The following TNS3 variants were observed in gnomAD, a reference collection of about 807,000 sequenced individuals.
TNS3 encodes tensin-3.
A neutral mutation model predicts 140.9 loss-of-function variants in TNS3; 45 were observed. The observed-to-expected ratio is 0.32, with a 90% CI of 0.25 to 0.41. TNS3 has a LOEUF of 0.41. Among genes scored for constraint, TNS3 ranks in the 10% least tolerant of loss-of-function variants. The probability of loss-of-function intolerance (pLI) is 1.00; values close to 1 mark genes in which losing one functional copy is unlikely to be tolerated. For missense variants in TNS3, 1,716 were observed against 1,906.7 expected (o/e 0.90, Z 1.86); for synonymous variants, 815 against 788.4 (o/e 1.03, Z -0.56).
intron 16 of TNS3, among the ~76,000 whole-genome samples, chr7:47,391,711 A>G (rs1367769939): frequency 6.6e-6 from 1 of 152,144 alleles, no homozygotes; most frequent in East Asian, 1.9e-4. Flanking sequence ...AAATCCAGGG[A>G]CACATATGCT....
At chr7:47,481,733 G>A in intron 3 of TNS3, 2 of 985,222 alleles carry the variant, frequency 2.0e-6, no homozygotes, top group South Asian at 9.4e-5. Flanking sequence ...GAGCTCCCTG[G>A]GAAAGATAAA....
At chr7:47,414,511 GCTGAC>G (rs1035105801) in intron 11 of TNS3, among the ~76,000 whole-genome samples, 1 of 152,070 alleles carries the variant, frequency 6.6e-6, no homozygotes, top group Non-Finnish European at 1.5e-5. Context: ...ATAGGGCCCT[GCTGAC>G]CCTCGGCCAT....
intron 25 of TNS3, among the ~76,000 whole-genome samples, chr7:47,293,510 A>G (rs1334182228): frequency 6.6e-6 from 1 of 152,226 alleles, no homozygotes; most frequent in Non-Finnish European, 1.5e-5. Flanking sequence ...TACGTCTGAT[A>G]TGGTGCTTTT....
chr7:47,404,614 C>T (rs7803011), intron 13 of TNS3, among the ~76,000 whole-genome samples: 1,592 of 152,188 alleles, frequency 0.01, 32 homozygotes, highest in African/African-American at 0.036. Context: ...CGGCCGGGCG[C>T]GGTGGCTCAC....
intron 3 of TNS3, among the ~76,000 whole-genome samples, chr7:47,492,610 G>A (rs1217004908): frequency 6.6e-6 from 1 of 152,210 alleles, no homozygotes; most frequent in Non-Finnish European, 1.5e-5. Flanking sequence ...AATAAGATGT[G>A]CTTTTATTTC....
At chr7:47,347,083 C>A (rs928608985) in intron 17 of TNS3, among the ~76,000 whole-genome samples, 3 of 152,252 alleles carry the variant, frequency 2.0e-5, no homozygotes, top group African/African-American at 4.8e-5. Context: ...CTGCTGCCGG[C>A]TATTAAAAGA....
intron 1 of TNS3, among the ~76,000 whole-genome samples, chr7:47,578,374 G>A (rs959203012): frequency 6.6e-6 from 1 of 152,126 alleles, no homozygotes; most frequent in Admixed American, 6.6e-5. Flanking sequence ...ACACAGTGAG[G>A]CATTCCGAGG....
At chr7:47,315,350 G>A (rs1413216774) in intron 20 of TNS3, among the ~76,000 whole-genome samples, 5 of 152,232 alleles carry the variant, frequency 3.3e-5, no homozygotes, top group Admixed American at 6.5e-5. Context: ...CTGCTGCTGC[G>A]GGGCAGCCCC....
At chr7:47,499,148 C>T (rs1158728675) in intron 3 of TNS3, among the ~76,000 whole-genome samples, 2 of 152,202 alleles carry the variant, frequency 1.3e-5, no homozygotes, top group Non-Finnish European at 2.9e-5. Context: ...GAGAGTGAGC[C>T]TAGAGCCCAC....
intron 3 of TNS3, among the ~76,000 whole-genome samples, chr7:47,491,883 T>A (rs1246355474): frequency 6.6e-6 from 1 of 152,120 alleles, no homozygotes; most frequent in African/African-American, 2.4e-5. Flanking sequence ...GCCCCATCAA[T>A]CACAGCCAGT....
At position 47,389,110 on chromosome 7, in the gene TNS3, A is replaced by AGAAGAAGAAGAAGAG. The variant is rs1260197447; in HGVS notation, c.1024+7689_1024+7690insCTCTTCTTCTTCTTC. Among the ~76,000 whole-genome samples the AGAAGAAGAAGAAGAG allele has an allele frequency of 6.1e-4, 4 of 6,560 alleles. 1 individual carries two copies. The highest frequency in any genetic ancestry group is 1.5e-3 in the African/African-American group (4 of 2,740). 4.3% of individuals were successfully genotyped at this position (6,560 alleles called of 152,430 possible). A position where few individuals can be genotyped will look rare whatever the true frequency, so the allele number is the denominator to read the frequency against. ...AGGAAGAGGAAGAGGAAGCGGAAGC[A>AGAAGAAGAAGAAGAG]GAAGAAGAAGAAGAAGAAGAAGAAG... On this transcript the variant is annotated intron_variant, in intron 16 of 30. Coordinates refer to ENST00000311160, the MANE Select transcript of TNS3 (RefSeq NM_022748.12).
At chr7:47,337,403 T>G (rs1788693506) in intron 20 of TNS3, among the ~76,000 whole-genome samples, 1 of 152,236 alleles carries the variant, frequency 6.6e-6, no homozygotes. Flanking sequence ...AGTAATGCGA[T>G]CTGCAGAGGA....
intron 17 of TNS3, among the ~76,000 whole-genome samples, chr7:47,367,430 G>A (rs112922587): frequency 1.3e-5 from 2 of 152,128 alleles, no homozygotes; most frequent in East Asian, 1.9e-4. Context: ...CCATTACATC[G>A]ATGCAGCTTG....
chr7:47,277,857 G>A lies in TNS3; in HGVS notation c.*219C>T. Reference sequence around the variant, plus strand: ...AGCTTCTTCTACCCAAAAAGCATGTGGCTACAGAGATGTGTCAGATAAGTC... The same window carrying A: ...AGCTTCTTCTACCCAAAAAGCATGTAGCTACAGAGATGTGTCAGATAAGTC... On this transcript the variant is annotated 3_prime_UTR_variant, in exon 31 of 31. Transcript: ENST00000311160. 1.5e-6 allele frequency: 1 copy of A among 653,178 alleles called. No homozygotes were observed. Among genetic ancestry groups the A allele is most frequent in the Non-Finnish European group, 2.8e-6 (1 of 363,008 alleles). 40.5% of individuals were successfully genotyped at this position (653,178 alleles called of 1,614,324 possible).
intron 17 of TNS3, among the ~76,000 whole-genome samples, chr7:47,346,780 T>C (rs1789370782): frequency 6.6e-6 from 1 of 152,216 alleles, no homozygotes; most frequent in Non-Finnish European, 1.5e-5. Flanking sequence ...ACCACACACC[T>C]GCGGTGACCT....
chr7:47,375,464 A>C (rs1420594456), intron 16 of TNS3, among the ~76,000 whole-genome samples: 2 of 152,232 alleles, frequency 1.3e-5, no homozygotes, highest in East Asian at 1.9e-4. Context: ...CAGAAGGAAG[A>C]AAATACAGAG....
intron 20 of TNS3, among the ~76,000 whole-genome samples, chr7:47,324,267 C>T (rs1042572756): frequency 3.9e-5 from 6 of 152,264 alleles, no homozygotes; most frequent in African/African-American, 1.4e-4. Context: ...TGTATACTGG[C>T]TACTGAGAAT....
At chr7:47,535,534 C>T (rs1799568438) in intron 1 of TNS3, among the ~76,000 whole-genome samples, 1 of 152,218 alleles carries the variant, frequency 6.6e-6, no homozygotes, top group Non-Finnish European at 1.5e-5. Context: ...TTTCATTTCT[C>T]CCAAAGGGGG....
chr7:47,572,630 C>G (rs1800583640), intron 1 of TNS3, among the ~76,000 whole-genome samples: 1 of 152,166 alleles, frequency 6.6e-6, no homozygotes, highest in Non-Finnish European at 1.5e-5. Context: ...AATCCCAGCA[C>G]TTTGGGAGGC....
Sources: gnomAD v4.1 joint callset for allele counts (sites outside exome capture counted in the v4.1 genomes callset) on GRCh38, gnomAD v4.1.1 for gene constraint, MANE v1.5 for transcripts, NCBI Gene and HGNC (gene_info 2026-07-23, HGNC 2026-07-21) for gene names.